Variants in KCNQ1 observed in about 807,000 individuals in gnomAD.
KCNQ1 encodes potassium voltage-gated channel subfamily Q member 1, also known as potassium voltage-gated channel subfamily KQT member 1.
In KCNQ1, 49 loss-of-function variants were observed where a neutral mutation model predicts 72.4. The ratio of observed to expected loss-of-function variants is 0.68; its 90% CI spans 0.54 to 0.86. The LOEUF is 0.86. Among genes scored for constraint, KCNQ1 ranks in the 40% least tolerant of loss-of-function variants. The pLI, the probability that KCNQ1 is intolerant of heterozygous loss-of-function variation, is 0.00. For synonymous variants in KCNQ1, 450 were observed against 412.6 expected, an observed-to-expected ratio of 1.09 and a Z score of -1.10; for missense variants, 790 against 945.1, an observed-to-expected ratio of 0.84 and a Z score of 2.15.
intron 1 of KCNQ1, among the ~76,000 whole-genome samples, chr11:2,461,188 A>G (rs1042009989): frequency 7.9e-5 from 12 of 152,244 alleles, no homozygotes; most frequent in African/African-American, 2.9e-4. Context: ...GTGATGGGTC[A>G]GGTGTGATCA....
intron 6 of KCNQ1, among the ~76,000 whole-genome samples, chr11:2,580,246 C>CCT (rs1235799770): frequency 2.0e-5 from 3 of 151,878 alleles, no homozygotes; most frequent in Non-Finnish European, 2.9e-5. Flanking sequence ...TTGGGTTTGT[C>CCT]CTCGGCTGCC....
intron 11 of KCNQ1, among the ~76,000 whole-genome samples, chr11:2,718,689 T>C (rs375300306): frequency 2.0e-5 from 3 of 152,196 alleles, no homozygotes; most frequent in Admixed American, 6.5e-5. Flanking sequence ...GGGCCACTTA[T>C]ATCTGTCAGG....
At chr11:2,527,465 C>T (rs1288914533) in intron 1 of KCNQ1, among the ~76,000 whole-genome samples, 1 of 152,198 alleles carries the variant, frequency 6.6e-6, no homozygotes, top group Non-Finnish European at 1.5e-5. Context: ...GCTCTAGGGC[C>T]CTAAGTGGCT....
intron 11 of KCNQ1, chr11:2,693,908 A>G: frequency 2.5e-6 from 1 of 398,752 alleles, no homozygotes; most frequent in Non-Finnish European, 4.4e-6. Context: ...CCTGGAGTGT[A>G]CTGCAAACCT....
Position 2,677,876 on chromosome 11 carries a change from A to C in KCNQ1, c.1514+15795A>C. 2.5e-6 allele frequency: 1 copy of C among 398,512 alleles called. No homozygotes were observed. Among genetic ancestry groups the C allele is most frequent in the Admixed American group, 4.4e-5 (1 of 22,726 alleles). The allele number at this position is 398,512 out of a possible 1,614,324, so 24.7% of individuals were successfully genotyped here. The stretch of plus-strand genomic sequence containing the variant: ...TACATCACTTTGACTGCACAAATGC[A>C]CTTTCTTCCCCCACCCTTACCAAGT... On this transcript the variant is annotated intron_variant, in intron 11 of 15. Transcript: ENST00000155840. This position sits in a 1 kb window ranked among gnomAD's most constrained non-coding sequence, Gnocchi z 4.5.
At chr11:2,847,500 C>T (rs965674109) in intron 15 of KCNQ1, among the ~76,000 whole-genome samples, 5 of 152,236 alleles carry the variant, frequency 3.3e-5, no homozygotes, top group Non-Finnish European at 7.3e-5. Flanking sequence ...GGCCCTGAGC[C>T]TGAATGCCTG....
Position 2,772,272 on chromosome 11 carries a change from G to A in KCNQ1, c.1590+3353G>A, listed in dbSNP as rs1846615265. Among the ~76,000 whole-genome samples the A allele has an allele frequency of 6.6e-6, 1 of 152,044 alleles. No individual in the cohort carries two copies. The highest frequency in any genetic ancestry group is 1.5e-5 in the Non-Finnish European group (1 of 67,980). Reference sequence around the variant, plus strand: ...GCTGGCCTCAGGGGCTGCTGACATGGCAGGTGACCCCTCTGCCTACCTTGC... The same window carrying A: ...GCTGGCCTCAGGGGCTGCTGACATGACAGGTGACCCCTCTGCCTACCTTGC... On this transcript the variant is annotated intron_variant, in intron 12 of 15. Coordinates refer to ENST00000155840, the MANE Select transcript of KCNQ1 (RefSeq NM_000218.3). This position sits in a 1 kb window ranked among gnomAD's most constrained non-coding sequence, Gnocchi z 6.6.
chr11:2,564,348 C>T lies in KCNQ1; in HGVS notation c.478-6280C>T, dbSNP rs747713563. On this transcript the variant is annotated intron_variant, in intron 2 of 15. Transcript: ENST00000155840. The surrounding 1 kb of genome is among the most constrained non-coding windows in gnomAD (Gnocchi z 4.5). ...GTGACTCATGCCTGCAATCCCAGCA[C>T]TTTGGAAGGCTGAGGCGGGCGGATC... is the stretch of plus-strand genomic sequence containing the variant. Among the ~76,000 whole-genome samples the T allele has an allele frequency of 2.0e-5, 3 of 152,194 alleles. No individual in the cohort carries two copies. Among genetic ancestry groups the T allele is most frequent in the Admixed American group, 1.3e-4 (2 of 15,284 alleles).
At chr11:2,667,284 G>A (rs1850093865) in intron 11 of KCNQ1, 1 of 398,626 alleles carries the variant, frequency 2.5e-6, no homozygotes, top group Non-Finnish European at 4.4e-6. Context: ...CTGCTGCTAT[G>A]GGGAGAGGGC....
chr11:2,696,506 C>T (rs1590038404), intron 11 of KCNQ1: 1 of 398,544 alleles, frequency 2.5e-6, no homozygotes, highest in Non-Finnish European at 4.4e-6. Context: ...CAGCAGAAGT[C>T]CTCTGCTCTC....
In KCNQ1 at chr11:2,674,553, C is replaced by G. The variant is rs1215647040; in HGVS notation, c.1514+12472C>G. 1 of 398,550 alleles carries G rather than the reference C, an allele frequency of 2.5e-6. No homozygotes were observed. Among genetic ancestry groups the G allele is most frequent in the African/African-American group, 2.1e-5 (1 of 48,730 alleles). 24.7% of individuals were successfully genotyped at this position (398,550 alleles called of 1,614,324 possible). ...ATTCGGAGGATTTAGACAAATACCT[C>G]GAGTGAGTGAATCTGAAGCATGCTA... On this transcript the variant is annotated intron_variant, in intron 11 of 15. Coordinates refer to ENST00000155840, the MANE Select transcript of KCNQ1 (RefSeq NM_000218.3). This position sits in a 1 kb window ranked among gnomAD's most constrained non-coding sequence, Gnocchi z 5.9.
chr11:2,674,807 G>C lies in KCNQ1; in HGVS notation c.1514+12726G>C, dbSNP rs1009841541. On this transcript the variant is annotated intron_variant, in intron 11 of 15. Transcript: ENST00000155840. This position sits in a 1 kb window ranked among gnomAD's most constrained non-coding sequence, Gnocchi z 5.9. ...TCGCCAACTGCTGGCCTTTGGAAAG[G>C]CTTGTCACCCTAATAGCTGTTTTTT... 1 of 386,218 alleles carries C rather than the reference G, an allele frequency of 2.6e-6. No homozygotes were observed. The highest frequency in any genetic ancestry group is 2.3e-5 in the African/African-American group (1 of 43,632). The allele number at this position is 386,218 out of a possible 1,614,324, so 23.9% of individuals were successfully genotyped here. A position where few individuals can be genotyped will look rare whatever the true frequency, so the allele number is the denominator to read the frequency against.
At chr11:2,832,782 A>G (rs1847979633) in intron 15 of KCNQ1, among the ~76,000 whole-genome samples, 1 of 152,164 alleles carries the variant, frequency 6.6e-6, no homozygotes, top group Non-Finnish European at 1.5e-5. Context: ...CCAAGGCAGG[A>G]GGAGACCATG....
Position 2,663,117 on chromosome 11 carries a change from G to A in KCNQ1, c.1514+1036G>A, listed in dbSNP as rs1196217564. On this transcript the variant is annotated intron_variant, in intron 11 of 15. Coordinates refer to ENST00000155840, the MANE Select transcript of KCNQ1 (RefSeq NM_000218.3). The surrounding 1 kb of genome is among the most constrained non-coding windows in gnomAD (Gnocchi z 5.2). ...CAGGGAAGGAGTGGCTATCTTAAGGGGTAATTATGATCAGACAGGACCTGC... is the reference window on the plus strand; with the variant it reads ...CAGGGAAGGAGTGGCTATCTTAAGGAGTAATTATGATCAGACAGGACCTGC... The A allele has an allele frequency of 3.0e-5, 12 of 398,570 alleles. No homozygotes were observed. Among genetic ancestry groups the A allele is most frequent in the Non-Finnish European group, 4.0e-5 (9 of 226,148 alleles). 24.7% of individuals were successfully genotyped at this position (398,570 alleles called of 1,614,324 possible).
At position 2,682,172 on chromosome 11, in the gene KCNQ1, C is replaced by G; in HGVS notation, c.1514+20091C>G. The G allele has an allele frequency of 2.5e-6, 1 of 398,608 alleles. No individual in the cohort carries two copies. Among genetic ancestry groups the G allele is most frequent in the East Asian group, 3.6e-5 (1 of 28,068 alleles). 24.7% of individuals were successfully genotyped at this position (398,608 alleles called of 1,614,324 possible). On this transcript the variant is annotated intron_variant, in intron 11 of 15. Transcript: ENST00000155840. This position sits in a 1 kb window ranked among gnomAD's most constrained non-coding sequence, Gnocchi z 5.8. ...TTCAGTATTAAACATATCAAGCTCTCTCCTGACCTTCTCTCCCCTTCCCCA... is the reference window on the plus strand; with the variant it reads ...TTCAGTATTAAACATATCAAGCTCTGTCCTGACCTTCTCTCCCCTTCCCCA...
At chr11:2,778,081 G>A (rs758609635) in intron 15 of KCNQ1, 44 bp downstream of exon 15, 6 of 1,576,500 alleles carry the variant, frequency 3.8e-6, no homozygotes, top group Non-Finnish European at 5.2e-6. Flanking sequence ...TTAGCGTCCT[G>A]GGGCCAGCAG....
At chr11:2,589,599 T>C (rs991101120) in intron 10 of KCNQ1, among the ~76,000 whole-genome samples, 3 of 151,988 alleles carry the variant, frequency 2.0e-5, no homozygotes, top group African/African-American at 7.3e-5. Context: ...CAGTGCCCGG[T>C]TGTGGCTCCC....
In KCNQ1 at chr11:2,572,468, G is replaced by C. The variant is rs569015324; in HGVS notation, c.780+359G>C. 5.6e-4 allele frequency among the ~76,000 whole-genome samples: 85 copies of C among 152,326 alleles called. 1 individual carries two copies. The highest frequency in any genetic ancestry group is 2.0e-3 in the African/African-American group (83 of 41,588). On this transcript the variant is annotated intron_variant, in intron 5 of 15. Coordinates refer to ENST00000155840, the MANE Select transcript of KCNQ1 (RefSeq NM_000218.3). ...CCCTCCCGAGGGCTGCACTCAGATG[G>C]GTTCAGGCTGCACTGGCCCCTGGCT... is the stretch of plus-strand genomic sequence containing the variant.
chr11:2,609,034 A>T, intron 10 of KCNQ1: 1 of 396,868 alleles, frequency 2.5e-6, no homozygotes, highest in Non-Finnish European at 4.4e-6. Flanking sequence ...TTTTATTTCT[A>T]CTCTAATATT....
Sources: gnomAD v4.1 joint callset for allele counts (sites outside exome capture counted in the v4.1 genomes callset) on GRCh38, gnomAD v4.1.1 for gene constraint, Gnocchi (gnomAD v3.1) non-coding constraint, MANE v1.5 for transcripts, NCBI Gene and HGNC (gene_info 2026-07-23, HGNC 2026-07-21) for gene names.